Variants in MKLN1 observed in about 807,000 individuals in gnomAD.
The protein encoded by MKLN1 is muskelin.
Under a neutral mutation model 99.0 loss-of-function variants are expected in MKLN1, and 18 were observed. The observed-to-expected ratio is 0.18, with a 90% confidence interval of 0.13 to 0.27. MKLN1 has a LOEUF of 0.27. Ranked by LOEUF, MKLN1 falls within the 10% of genes least tolerant of loss-of-function variation. The pLI, the probability that MKLN1 is intolerant of heterozygous loss-of-function variation, is 1.00. For synonymous variants in MKLN1, 288 were observed against 293.2 expected (o/e 0.98, Z 0.18); for missense variants, 621 against 875.9 (o/e 0.71, Z 3.67).
At chr7:131,378,175 A>G (rs1169532685) in intron 2 of MKLN1, among the ~76,000 whole-genome samples, 2 of 152,072 alleles carry the variant, frequency 1.3e-5, no homozygotes, top group East Asian at 3.9e-4. Flanking sequence ...GCAGTGGCGT[A>G]ATCTTGGCTC....
intron 1 of MKLN1, among the ~76,000 whole-genome samples, chr7:131,361,240 C>G (rs560195979): frequency 2.1e-4 from 32 of 152,012 alleles, no homozygotes; most frequent in African/African-American, 7.5e-4. Context: ...CTGCTCCTTT[C>G]TTTCCCTTCT....
intron 2 of MKLN1, among the ~76,000 whole-genome samples, chr7:131,174,073 C>T (rs558836585): frequency 6.6e-6 from 1 of 150,640 alleles, no homozygotes; most frequent in Non-Finnish European, 1.5e-5. Context: ...CCCGGGTTCA[C>T]GCCATTCTCC....
At chr7:131,407,621 C>T (rs893927353) in intron 6 of MKLN1, among the ~76,000 whole-genome samples, 1 of 151,174 alleles carries the variant, frequency 6.6e-6, no homozygotes, top group Non-Finnish European at 1.5e-5. Flanking sequence ...CTTAGCAATG[C>T]TCATAATGCA....
At chr7:131,164,658 A>G (rs75371060) in intron 2 of MKLN1, among the ~76,000 whole-genome samples, 8,095 of 152,302 alleles carry the variant, frequency 0.053, 379 homozygotes, top group African/African-American at 0.13. Context: ...TGGAAAATAC[A>G]TTCCAGCATT....
rs543975134 is a variant in MKLN1, at chr7:131,111,590, C to T, written c.-419+1383C>T. Among the ~76,000 whole-genome samples, 68 of 152,024 alleles carry T rather than the reference C, an allele frequency of 4.5e-4. No individual in the cohort carries two copies. The South Asian group carries it at 7.9e-3, about 18-fold the overall frequency. Reference sequence around the variant, plus strand: ...ATTAAATTGTAATTCCTGTGGAAAACGTCATCATTTGAGGAGTAGACTGCC... The same window carrying T: ...ATTAAATTGTAATTCCTGTGGAAAATGTCATCATTTGAGGAGTAGACTGCC... On this transcript the variant is annotated intron_variant, in intron 1 of 7. Coordinates refer to the MKLN1 transcript ENST00000416992.
At chr7:131,218,646 G>A (rs1485689625) in intron 3 of MKLN1, among the ~76,000 whole-genome samples, 2 of 152,162 alleles carry the variant, frequency 1.3e-5, no homozygotes, top group Admixed American at 1.3e-4. Flanking sequence ...TGCATACAAT[G>A]GATTATTATT....
At chr7:131,361,147 C>G (rs533181637) in intron 1 of MKLN1, among the ~76,000 whole-genome samples, 231 of 151,988 alleles carry the variant, frequency 1.5e-3, no homozygotes, top group African/African-American at 5.2e-3. Flanking sequence ...TCTGAGCTTC[C>G]TGCTGGGTTT....
intron 3 of MKLN1, among the ~76,000 whole-genome samples, chr7:131,241,113 C>A (rs1253411125): frequency 1.3e-5 from 2 of 152,168 alleles, no homozygotes; most frequent in Non-Finnish European, 2.9e-5. Flanking sequence ...CCTTAGCAGG[C>A]TAGGCTGTGA....
intron 12 of MKLN1, among the ~76,000 whole-genome samples, chr7:131,453,502 G>A (rs376654439): frequency 3.3e-5 from 5 of 152,088 alleles, no homozygotes; most frequent in African/African-American, 1.2e-4. Context: ...TCCAGCCTGG[G>A]CAACGGCAAG....
At chr7:131,156,447 CAAAAA>C (rs143988738) in intron 2 of MKLN1, among the ~76,000 whole-genome samples, 12 of 74,672 alleles carry the variant, frequency 1.6e-4, no homozygotes, top group African/African-American at 5.7e-4. Flanking sequence ...GACTCTGTCT[CAAAAA>C]AAAAAAAAAA....
intron 2 of MKLN1, among the ~76,000 whole-genome samples, chr7:131,201,658 G>C (rs77655671): frequency 6.6e-6 from 1 of 152,016 alleles, no homozygotes; most frequent in Admixed American, 6.5e-5. Context: ...GCTTTACTAC[G>C]TATAAAGCAA....
intron 1 of MKLN1, among the ~76,000 whole-genome samples, chr7:131,353,774 C>T (rs1584639274): frequency 6.8e-6 from 1 of 147,560 alleles, no homozygotes. Context: ...ATTCATGATT[C>T]ATTAATTTTT....
chr7:131,466,528 G>C, intron 15 of MKLN1, 113 bp downstream of exon 15: 1 of 681,904 alleles, frequency 1.5e-6, no homozygotes, highest in Non-Finnish European at 2.1e-6. Flanking sequence ...TTTTGTAAAT[G>C]CCCTGTTATT....
intron 7 of MKLN1, among the ~76,000 whole-genome samples, chr7:131,413,417 A>G (rs191810777): frequency 6.6e-6 from 1 of 152,226 alleles, no homozygotes; most frequent in African/African-American, 2.4e-5. Flanking sequence ...ATACAGGGAA[A>G]CTTATTAGCC....
At chr7:131,263,364 A>ATAG in intron 3 of MKLN1, among the ~76,000 whole-genome samples, 1 of 144,510 alleles carries the variant, frequency 6.9e-6, no homozygotes, top group East Asian at 2.1e-4. Context: ...AATAATAATA[A>ATAG]TAATAATAAA....
chr7:131,336,154 C>G (rs766771194), intron 1 of MKLN1, among the ~76,000 whole-genome samples: 3 of 152,066 alleles, frequency 2.0e-5, no homozygotes, highest in Non-Finnish European at 4.4e-5. Flanking sequence ...TAGGCACATA[C>G]AAACTTATCT....
At chr7:131,419,281 C>T (rs1393306724) in intron 8 of MKLN1, among the ~76,000 whole-genome samples, 12 of 133,832 alleles carry the variant, frequency 9.0e-5, no homozygotes, top group South Asian at 2.4e-4. Flanking sequence ...GACAGAGTCT[C>T]GCTCTGTTGC....
intron 16 of MKLN1, among the ~76,000 whole-genome samples, chr7:131,473,712 C>T (rs538506612): frequency 1.6e-4 from 24 of 152,214 alleles, no homozygotes; most frequent in South Asian, 1.0e-3. Context: ...AGTTGTGTAT[C>T]GATTCCCCAT....
intron 17 of MKLN1, 78 bp downstream of exon 17, chr7:131,478,755 A>G: frequency 5.4e-6 from 8 of 1,480,996 alleles, no homozygotes; most frequent in Non-Finnish European, 7.5e-6. Flanking sequence ...TTTACGTGAA[A>G]CATCAGGTGA....
Sources: allele counts gnomAD v4.1 joint callset (sites outside exome capture counted in the v4.1 genomes callset), GRCh38; gene constraint gnomAD v4.1.1; transcripts MANE v1.5; gene names NCBI Gene and HGNC (gene_info 2026-07-23, HGNC 2026-07-21).